The following ABCB1 variants were observed in gnomAD, a reference collection of about 807,000 sequenced individuals.
ABCB1 encodes the protein ATP-dependent translocase ABCB1.
ABCB1 carries 69 observed loss-of-function variants against 142.0 expected under a neutral mutation model. That is an observed-to-expected ratio of 0.49 (90% CI 0.40 to 0.59). The LOEUF is 0.59. Ranked by LOEUF, ABCB1 falls within the 20% of genes least tolerant of loss-of-function variation. The probability of loss-of-function intolerance (pLI) is 0.00; values close to 1 mark genes in which losing one functional copy is unlikely to be tolerated. For missense variants in ABCB1, 1,326 were observed against 1,554.7 expected (o/e 0.85, Z 2.47); for synonymous variants, 532 against 539.2 (o/e 0.99, Z 0.18).
intron 1 of ABCB1, among the ~76,000 whole-genome samples, chr7:87,683,597 A>T (rs563636538): frequency 7.6e-4 from 115 of 152,286 alleles, no homozygotes; most frequent in Non-Finnish European, 1.4e-3. Context: ...CAGAACACAC[A>T]CATTTATCAA....
chr7:87,597,569 C>T (rs1400928399), intron 2 of ABCB1, among the ~76,000 whole-genome samples: 3 of 151,876 alleles, frequency 2.0e-5, no homozygotes, highest in Admixed American at 6.6e-5. Flanking sequence ...TCTTCACATA[C>T]CCTCAATATT....
At chr7:87,711,598 GA>G (rs1196430809) in intron 1 of ABCB1, among the ~76,000 whole-genome samples, 1 of 152,012 alleles carries the variant, frequency 6.6e-6, no homozygotes, top group Non-Finnish European at 1.5e-5. Context: ...ATTTGTAAAT[GA>G]AAAGATTTAA....
At chr7:87,536,382 TA>T in intron 20 of ABCB1, 75 bp downstream of exon 20, 2 of 1,318,592 alleles carry the variant, frequency 1.5e-6, no homozygotes, top group South Asian at 1.2e-5. Context: ...CTAACACCCG[TA>T]AGGAGAAAAT....
At chr7:87,600,275 G>T (rs1364702884) in intron 1 of ABCB1, 85 bp from the exon 2 acceptor site, 2 of 1,169,128 alleles carry the variant, frequency 1.7e-6, no homozygotes, top group African/African-American at 1.5e-5. Flanking sequence ...CCCCGTCGAA[G>T]CCAGAGAGCA....
chr7:87,670,100 A>G (rs945953401), intron 1 of ABCB1, among the ~76,000 whole-genome samples: 3 of 152,142 alleles, frequency 2.0e-5, no homozygotes, highest in Non-Finnish European at 2.9e-5. Flanking sequence ...CCCTTTCAGG[A>G]ATGCCAGTGA....
chr7:87,623,196 T>G (rs1820287928), intron 1 of ABCB1, among the ~76,000 whole-genome samples: 1 of 152,064 alleles, frequency 6.6e-6, no homozygotes, highest in South Asian at 2.1e-4. Context: ...TAATAATACT[T>G]ACTTTAGAGA....
intron 21 of ABCB1, chr7:87,521,852 T>C (rs1342183552): frequency 1.3e-6 from 1 of 771,670 alleles, no homozygotes; most frequent in Non-Finnish European, 2.3e-6. Flanking sequence ...TATGGAAAAA[T>C]TGAAGTGATT....
At chr7:87,686,766 C>T (rs1217273821) in intron 1 of ABCB1, among the ~76,000 whole-genome samples, 1 of 150,108 alleles carries the variant, frequency 6.7e-6, no homozygotes, top group Non-Finnish European at 1.5e-5. Flanking sequence ...ATGGTGAAAC[C>T]CCGCCTCTAG....
rs71117547 is a variant in ABCB1 at position 87,639,153 on chromosome 7, C to CAAA, written c.-330-38078_-330-38076dup. ...TGGGCGACAGAGTGAGACTCCGTCT[C>CAAA]AAAAAAAAAAAAAAAAAAAAAAATC... On this transcript the variant is annotated intron_variant, in intron 1 of 28. Coordinates refer to the ABCB1 transcript ENST00000265724. 7.5e-3 allele frequency among the ~76,000 whole-genome samples: 646 copies of CAAA among 86,360 alleles called. 22 individuals carry two copies. Among genetic ancestry groups the CAAA allele is most frequent in the African/African-American group, 0.023 (488 of 21,164 alleles). The allele number at this position is 86,360 out of a possible 152,430, so 56.7% of individuals were successfully genotyped here.
chr7:87,563,488 C>T, intron 7 of ABCB1: 1 of 334,972 alleles, frequency 3.0e-6, no homozygotes, highest in East Asian at 8.9e-5. Flanking sequence ...GCTTTATCCT[C>T]AGGATGCAAG....
intron 1 of ABCB1, among the ~76,000 whole-genome samples, chr7:87,621,783 CA>C (rs963983138): frequency 2.0e-5 from 3 of 151,938 alleles, no homozygotes; most frequent in East Asian, 1.9e-4. Flanking sequence ...GAGACCTATC[CA>C]AAAAAAGTTG....
chr7:87,567,031 T>C, intron 5 of ABCB1, 55 bp from the exon 6 acceptor site: 1 of 1,546,260 alleles, frequency 6.5e-7, no homozygotes, highest in East Asian at 2.2e-5. Context: ...CAATGTACCT[T>C]TTCCAAAGAG....
intron 20 of ABCB1, among the ~76,000 whole-genome samples, chr7:87,534,837 C>T (rs547091029): frequency 6.7e-6 from 1 of 150,036 alleles, no homozygotes; most frequent in Admixed American, 6.7e-5. Context: ...ATTGCTTGAG[C>T]CCATGAGTTC....
chr7:87,522,438 T>C, intron 21 of ABCB1: 1 of 607,612 alleles, frequency 1.6e-6, no homozygotes, highest in Non-Finnish European at 3.1e-6. Context: ...AAACAAATCT[T>C]AGCAGGAGAT....
intron 1 of ABCB1, among the ~76,000 whole-genome samples, chr7:87,708,158 A>T (rs956952908): frequency 6.6e-6 from 1 of 152,152 alleles, no homozygotes; most frequent in African/African-American, 2.4e-5. Context: ...AACAGTAAAA[A>T]TTCAATAAAA....
intron 24 of ABCB1, among the ~76,000 whole-genome samples, chr7:87,516,256 T>A (rs527695148): frequency 6.4e-4 from 97 of 152,128 alleles, no homozygotes; most frequent in African/African-American, 2.0e-3. Flanking sequence ...TAAAAAAAAA[T>A]TGTTTTTAAA....
intron 16 of ABCB1, 35 bp downstream of exon 16, chr7:87,544,788 T>G: frequency 2.5e-6 from 4 of 1,611,218 alleles, no homozygotes; most frequent in Non-Finnish European, 3.4e-6. Context: ...CCACAGTTAG[T>G]GAGATTAAAA....
At chr7:87,533,417 G>A (rs1005981497) in intron 20 of ABCB1, among the ~76,000 whole-genome samples, 9 of 152,152 alleles carry the variant, frequency 5.9e-5, no homozygotes, top group Admixed American at 5.9e-4. Flanking sequence ...GCTTTGGATA[G>A]TAGTGAAGGG....
At chr7:87,504,576 A>T in intron 27 of ABCB1, 127 bp from the exon 28 acceptor site, 1 of 1,243,862 alleles carries the variant, frequency 8.0e-7, no homozygotes, top group Non-Finnish European at 1.1e-6. Flanking sequence ...TGGGAGGCCA[A>T]GGCGGGCAGA....
Sources: gnomAD v4.1 joint callset for allele counts (sites outside exome capture counted in the v4.1 genomes callset) on GRCh38, gnomAD v4.1.1 for gene constraint, MANE v1.5 for transcripts, NCBI Gene and HGNC (gene_info 2026-07-23, HGNC 2026-07-21) for gene names.